The following FAM234B variants were observed in gnomAD, a reference collection of about 807,000 sequenced individuals.
FAM234B encodes the protein family with sequence similarity 234 member B.
In FAM234B, 33 loss-of-function variants were observed where a neutral mutation model predicts 69.3. That is an observed-to-expected ratio of 0.48 (90% CI 0.36 to 0.64). The LOEUF (loss-of-function observed/expected upper bound fraction) is 0.64. Among genes scored for constraint, FAM234B ranks in the 30% least tolerant of loss-of-function variants. The pLI, the probability that FAM234B is intolerant of heterozygous loss-of-function variation, is 0.00. For synonymous variants in FAM234B, 306 were observed against 306.9 expected (o/e 1.00, Z 0.03); for missense variants, 697 against 769.7 (o/e 0.91, Z 1.12).
intron 11 of FAM234B, among the ~76,000 whole-genome samples, chr12:13,076,712 T>A (rs1865166670): frequency 6.6e-6 from 1 of 152,260 alleles, no homozygotes; most frequent in Non-Finnish European, 1.5e-5. Context: ...TTGGAAGTGT[T>A]CTTCTACTTT....
At chr12:13,069,877 G>T (rs1331139005) in intron 9 of FAM234B, among the ~76,000 whole-genome samples, 1 of 152,138 alleles carries the variant, frequency 6.6e-6, no homozygotes, top group African/African-American at 2.4e-5. Flanking sequence ...TTCCAGCAGT[G>T]TTATATAGGA....
chr12:13,047,262 CT>C (rs1423607911), intron 1 of FAM234B, among the ~76,000 whole-genome samples: 1 of 152,154 alleles, frequency 6.6e-6, no homozygotes, highest in Non-Finnish European at 1.5e-5. Context: ...AGCTTATCTC[CT>C]AAGTATATAT....
intron 10 of FAM234B, among the ~76,000 whole-genome samples, chr12:13,074,558 C>G (rs535548498): frequency 5.3e-5 from 8 of 152,204 alleles, no homozygotes; most frequent in African/African-American, 1.9e-4. Context: ...GGGTGATGAT[C>G]AGACATTTGT....
chr12:13,080,020 G>A lies in FAM234B; in HGVS notation c.1863+11G>A, dbSNP rs1865207191. On this transcript the variant is annotated intron_variant, in intron 12 of 12. Coordinates refer to ENST00000197268, the MANE Select transcript of FAM234B (RefSeq NM_020853.2). The stretch of plus-strand genomic sequence containing the variant: ...GAAGCTCCCTACGAGGTGAGTGGCT[G>A]CAGAAATATTGTTCCTCTTGAGGGT... 6.4e-7 allele frequency: 1 copy of A among 1,560,510 alleles called. No individual in the cohort carries two copies. The highest frequency in any genetic ancestry group is 8.7e-7 in the Non-Finnish European group (1 of 1,149,522).
intron 3 of FAM234B, among the ~76,000 whole-genome samples, chr12:13,059,828 A>G (rs1298974224): frequency 1.3e-5 from 2 of 152,156 alleles, no homozygotes; most frequent in Non-Finnish European, 2.9e-5. Context: ...GTGACTTCTG[A>G]AGTAAAAATC....
At chr12:13,076,598 G>C (rs1328798419) in intron 11 of FAM234B, among the ~76,000 whole-genome samples, 1 of 152,044 alleles carries the variant, frequency 6.6e-6, no homozygotes, top group East Asian at 1.9e-4. Flanking sequence ...ACCTTTTTTT[G>C]AATATAACTG....
intron 11 of FAM234B, among the ~76,000 whole-genome samples, chr12:13,077,935 T>C (rs1273905044): frequency 1.3e-5 from 2 of 151,966 alleles, no homozygotes. Flanking sequence ...CACCTGTTGT[T>C]TCCTGACTTT....
In FAM234B at chr12:13,080,706, G is replaced by A. The variant is rs1194326185; in HGVS notation, c.*76G>A. The A allele has an allele frequency of 4.8e-6, 6 of 1,254,774 alleles. No individual in the cohort carries two copies. In the Admixed American group the frequency reaches 1.1e-4, roughly 23 times the overall value. The allele number at this position is 1,254,774 out of a possible 1,614,324, so 77.7% of individuals were successfully genotyped here. ...CTACTCTCCTGTCACTGTAAAATCA[G>A]TTCTATGGAGAGAAGACTTCTTCGT... On this transcript the variant is annotated 3_prime_UTR_variant, in exon 13 of 13. Coordinates refer to ENST00000197268, the MANE Select transcript of FAM234B (RefSeq NM_020853.2).
At chr12:13,055,126 G>C (rs1380313705) in intron 1 of FAM234B, among the ~76,000 whole-genome samples, 3 of 152,186 alleles carry the variant, frequency 2.0e-5, no homozygotes, top group Non-Finnish European at 2.9e-5. Flanking sequence ...TGTTCTAAAA[G>C]TTTACCAGGA....
At chr12:13,076,475 T>C (rs1004350707) in intron 11 of FAM234B, among the ~76,000 whole-genome samples, 2 of 152,238 alleles carry the variant, frequency 1.3e-5, no homozygotes, top group African/African-American at 4.8e-5. Context: ...TGCCAGGTGC[T>C]GGGACTACAA....
At position 13,064,147 on chromosome 12, in the gene FAM234B, T is replaced by G. The variant is rs1039500107; in HGVS notation, c.852+1172T>G. 7.9e-5 allele frequency among the ~76,000 whole-genome samples: 12 copies of G among 152,226 alleles called. 1 individual carries two copies. The highest frequency in any genetic ancestry group is 2.9e-4 in the African/African-American group (12 of 41,456). ...TGCAAGATAAAGGCAAGATCCAGAA[T>G]GAGCTAAATTTCTGAAGCCTACTTA... On this transcript the variant is annotated intron_variant, in intron 5 of 12. Transcript: ENST00000197268.
rs769080937 is a variant in FAM234B at position 13,055,701 on chromosome 12, A to G, written c.188A>G (p.Asp63Gly). Residue 63 changes from aspartate to glycine, a missense_variant, in exon 2 of 13, where the codon GAT becomes GGT. Transcript: ENST00000197268. ...GGAGAAGCGCCAGAACCCGACTCAG[A>G]TGCTGAGGTTGCAGAGGCTGCAAAG... ...PLGEAPEPDSDAEVAEAAKPH... is the reference protein window; with the variant it reads ...PLGEAPEPDSGAEVAEAAKPH... 1 of 1,614,250 alleles carries G rather than the reference A, an allele frequency of 6.2e-7. No individual in the cohort carries two copies. Among genetic ancestry groups the G allele is most frequent in the Non-Finnish European group, 8.5e-7 (1 of 1,180,044 alleles).
chr12:13,063,418 T>G (rs1565509490), intron 5 of FAM234B, among the ~76,000 whole-genome samples: 1 of 152,258 alleles, frequency 6.6e-6, no homozygotes, highest in Admixed American at 6.5e-5. Flanking sequence ...AGTTTTACTG[T>G]ATTATATATA....
In FAM234B at chr12:13,076,067, T is replaced by G; in HGVS notation, c.1566T>G (p.Leu522=). 1 of 1,614,136 alleles carries G rather than the reference T, an allele frequency of 6.2e-7. No homozygotes were observed. The highest frequency in any genetic ancestry group is 8.5e-7 in the Non-Finnish European group (1 of 1,180,018). Residue 522 remains leucine (L), a synonymous_variant, in exon 11 of 13, where the codon CTT becomes CTG. Transcript: ENST00000197268. ...LGTEPPSLHH[L]YLLHPAFPSI... is the part of the protein sequence containing the mutation. ...CTGAGCCGCCCAGCCTTCACCACCT[T>G]TACCTCCTGCATCCTGCGTTCCCCT...
intron 10 of FAM234B, 141 bp from the exon 11 acceptor site, chr12:13,075,885 C>T (rs757490731): frequency 4.1e-6 from 3 of 726,768 alleles, no homozygotes; most frequent in African/African-American, 1.7e-5. Flanking sequence ...CTTTCAAACA[C>T]ATTCTTGTAG....
chr12:13,077,499 C>T (rs1333124427), intron 11 of FAM234B, among the ~76,000 whole-genome samples: 1 of 147,934 alleles, frequency 6.8e-6, no homozygotes, highest in Admixed American at 6.8e-5. Flanking sequence ...TCTATTCCCA[C>T]CTATGAGTGA....
In FAM234B at chr12:13,055,683, C is replaced by T. The variant is rs145853473; in HGVS notation, c.170C>T (p.Ala57Val). The change falls in exon 2 of 13, where the codon GCG (alanine) becomes GTG (valine). Residue 57 changes from alanine to valine, a missense_variant. By Grantham distance (64) the Ala-to-Val change is moderately conservative (BLOSUM62 0). This residue lies in a region of FAM234B where 380 missense variants were observed against 447.1 expected (regional missense o/e 0.85). Transcript: ENST00000197268. Reference sequence around the variant, plus strand: ...AATGGGAAGAGTCCTTTGGGAGAAGCGCCAGAACCCGACTCAGATGCTGAG... The same window carrying T: ...AATGGGAAGAGTCCTTTGGGAGAAGTGCCAGAACCCGACTCAGATGCTGAG... ...VKNGKSPLGE[A>V]PEPDSDAEVA... The T allele has an allele frequency of 2.2e-5, 36 of 1,614,088 alleles. No individual in the cohort carries two copies. Among genetic ancestry groups the T allele is most frequent in the African/African-American group, 1.2e-4 (9 of 74,938 alleles).
rs565510524 is a variant in FAM234B at position 13,071,125 on chromosome 12, G to A, written c.1369-116G>A. 1.0e-4 allele frequency: 116 copies of A among 1,114,022 alleles called. 1 individual carries two copies. In the East Asian group the frequency reaches 2.7e-3, roughly 26 times the overall value. 69.0% of individuals were successfully genotyped at this position (1,114,022 alleles called of 1,614,324 possible). ...CCCAGTTTGCTTGCATCTTAAAAGC[G>A]CAGCGTGTTGATATTTGTGTTATTT... On this transcript the variant is annotated intron_variant, in intron 9 of 12. Coordinates refer to ENST00000197268, the MANE Select transcript of FAM234B (RefSeq NM_020853.2).
Position 13,044,513 on chromosome 12 carries a change from C to T in FAM234B, c.37+73C>T. ...ATAAGGGGAGGCGAGGCTCTGGGGG[C>T]GAGGCCGGTCGGGCCCTGGCCTCAA... On this transcript the variant is annotated intron_variant, in intron 1 of 12. Coordinates refer to ENST00000197268, the MANE Select transcript of FAM234B (RefSeq NM_020853.2). This position sits in a 1 kb window ranked among gnomAD's most constrained non-coding sequence, Gnocchi z 5.6. 2.7e-6 allele frequency: 4 copies of T among 1,498,944 alleles called. No homozygotes were observed. The highest frequency in any genetic ancestry group is 3.6e-6 in the Non-Finnish European group (4 of 1,101,524). The allele number at this position is 1,498,944 out of a possible 1,614,324, so 92.9% of individuals were successfully genotyped here.
Sources: gnomAD v4.1 joint callset for allele counts (sites outside exome capture counted in the v4.1 genomes callset) on GRCh38, gnomAD v4.1.1 for gene constraint, gnomAD v4.1.1 regional missense constraint, Gnocchi (gnomAD v3.1) non-coding constraint, MANE v1.5 for transcripts, NCBI Gene and HGNC (gene_info 2026-07-23, HGNC 2026-07-21) for gene names.